Variants in RUNX1 observed in about 807,000 individuals in gnomAD.
RUNX1 encodes the protein RUNX family transcription factor 1, also known as runt-related transcription factor 1.
Under a neutral mutation model 42.8 loss-of-function variants are expected in RUNX1, and 19 were observed. The ratio of observed to expected loss-of-function variants is 0.44; its 90% CI spans 0.31 to 0.65. The LOEUF (loss-of-function observed/expected upper bound fraction) is 0.65, where lower values mean the gene tolerates loss of function less well. Ranked by LOEUF, RUNX1 falls within the 30% of genes least tolerant of loss-of-function variation. The probability of loss-of-function intolerance (pLI) is 0.07; values close to 1 mark genes in which losing one functional copy is unlikely to be tolerated. For missense variants in RUNX1, 528 were observed against 672.0 expected, an observed-to-expected ratio of 0.79 and a Z score of 2.37; for synonymous variants, 271 against 289.4, an observed-to-expected ratio of 0.94 and a Z score of 0.64.
intron 2 of RUNX1, among the ~76,000 whole-genome samples, chr21:34,926,054 A>G (rs2058390771): frequency 1.3e-5 from 2 of 152,304 alleles, no homozygotes; most frequent in South Asian, 4.1e-4. Context: ...AACAGAAGTT[A>G]TCTCTAAATG....
At chr21:34,924,712 A>G (rs563515266) in intron 2 of RUNX1, among the ~76,000 whole-genome samples, 16 of 152,206 alleles carry the variant, frequency 1.1e-4, no homozygotes, top group African/African-American at 3.9e-4. Flanking sequence ...TGAAATTTCC[A>G]TTTCTTCCCT....
chr21:34,977,007 T>C (rs1003058899), intron 2 of RUNX1, among the ~76,000 whole-genome samples: 35 of 152,318 alleles, frequency 2.3e-4, no homozygotes, highest in Admixed American at 5.2e-4. Flanking sequence ...CATTAAGTAA[T>C]AGCTGTGAAA....
intron 7 of RUNX1, chr21:34,821,750 T>G: frequency 1.3e-6 from 2 of 1,498,486 alleles, no homozygotes; most frequent in Non-Finnish European, 1.8e-6. Flanking sequence ...GACAATTCTT[T>G]ATAGAGCCGC....
At chr21:34,829,566 G>T (rs866105672) in intron 7 of RUNX1, among the ~76,000 whole-genome samples, 1 of 152,078 alleles carries the variant, frequency 6.6e-6, no homozygotes, top group Non-Finnish European at 1.5e-5. Flanking sequence ...ACTACACCTT[G>T]TTAAAAGCTA....
chr21:34,807,021 A>C (rs2145937026), intron 7 of RUNX1, among the ~76,000 whole-genome samples: 1 of 152,196 alleles, frequency 6.6e-6, no homozygotes, highest in South Asian at 2.1e-4. Context: ...AAAGATCCAG[A>C]ATCAGTCACT....
At chr21:34,849,001 A>AG (rs1407803631) in intron 6 of RUNX1, among the ~76,000 whole-genome samples, 7 of 151,836 alleles carry the variant, frequency 4.6e-5, no homozygotes, top group African/African-American at 1.7e-4. Flanking sequence ...TGGTGAACAA[A>AG]AACAAATACA....
intron 2 of RUNX1, among the ~76,000 whole-genome samples, chr21:34,930,989 G>C (rs2058440192): frequency 6.6e-6 from 1 of 152,086 alleles, no homozygotes; most frequent in African/African-American, 2.4e-5. Flanking sequence ...AGCAGACAGA[G>C]CTGGCTAGAA....
chr21:34,793,297 CATGTA>C (rs1051069364), intron 8 of RUNX1, among the ~76,000 whole-genome samples: 1 of 151,820 alleles, frequency 6.6e-6, no homozygotes. Context: ...TATAGAATAT[CATGTA>C]ATGTAATATG....
intron 2 of RUNX1, among the ~76,000 whole-genome samples, chr21:34,990,486 C>T (rs1208370901): frequency 1.3e-5 from 2 of 152,002 alleles, no homozygotes; most frequent in Admixed American, 1.3e-4. Context: ...GTGCAATAGG[C>T]CTAGTCATAA....
chr21:34,804,067 A>G (rs2056645907), intron 7 of RUNX1, among the ~76,000 whole-genome samples: 1 of 152,198 alleles, frequency 6.6e-6, no homozygotes, highest in South Asian at 2.1e-4. Flanking sequence ...GCAAACTGCA[A>G]CCCCAAATTT....
At chr21:34,812,212 C>T (rs2056767360) in intron 7 of RUNX1, among the ~76,000 whole-genome samples, 1 of 152,180 alleles carries the variant, frequency 6.6e-6, no homozygotes, top group Admixed American at 6.5e-5. Flanking sequence ...AGAAAACTCC[C>T]TCTTTCTTCT....
At chr21:34,870,452 G>A (rs2057720979) in intron 5 of RUNX1, among the ~76,000 whole-genome samples, 1 of 152,366 alleles carries the variant, frequency 6.6e-6, no homozygotes, top group Non-Finnish European at 1.5e-5. Context: ...TGACGCAATG[G>A]CTTCAGAGAT....
intron 6 of RUNX1, among the ~76,000 whole-genome samples, chr21:34,844,348 G>A (rs1273429397): frequency 2.0e-5 from 3 of 152,140 alleles, no homozygotes; most frequent in South Asian, 2.1e-4. Flanking sequence ...AGACCTGGGG[G>A]CCAGGAGAAG....
At chr21:34,793,876 G>A (rs1347888323) in intron 8 of RUNX1, among the ~76,000 whole-genome samples, 1 of 151,674 alleles carries the variant, frequency 6.6e-6, no homozygotes, top group African/African-American at 2.4e-5. Context: ...GCCAATTTTT[G>A]TATTTTTAGT....
At chr21:34,817,577 G>C (rs2056845112) in intron 7 of RUNX1, among the ~76,000 whole-genome samples, 1 of 152,116 alleles carries the variant, frequency 6.6e-6, no homozygotes, top group Non-Finnish European at 1.5e-5. Context: ...GAGCCTACCT[G>C]ATCACAAACA....
At chr21:34,862,124 G>A (rs187487642) in intron 5 of RUNX1, among the ~76,000 whole-genome samples, 1 of 152,046 alleles carries the variant, frequency 6.6e-6, no homozygotes, top group Non-Finnish European at 1.5e-5. Context: ...ATGAGAGAGA[G>A]AGAGAGAGAG....
At chr21:34,807,132 A>G (rs371157330) in intron 7 of RUNX1, among the ~76,000 whole-genome samples, 1 of 152,168 alleles carries the variant, frequency 6.6e-6, no homozygotes, top group East Asian at 1.9e-4. Flanking sequence ...AGTGAAATTA[A>G]GTACAGGAAA....
intron 3 of RUNX1, chr21:34,888,028 G>C: frequency 9.4e-7 from 1 of 1,066,206 alleles, no homozygotes. Context: ...TGGGGATGTT[G>C]GTTAAGTTTG....
intron 2 of RUNX1, among the ~76,000 whole-genome samples, chr21:34,910,380 A>G (rs1601560129): frequency 6.8e-6 from 1 of 147,972 alleles, no homozygotes; most frequent in Admixed American, 6.7e-5. Flanking sequence ...AATTTTCAGA[A>G]CTGTTTTTTT....
Sources: gnomAD v4.1 joint callset for allele counts (sites outside exome capture counted in the v4.1 genomes callset) on GRCh38, gnomAD v4.1.1 for gene constraint, MANE v1.5 for transcripts, NCBI Gene and HGNC (gene_info 2026-07-23, HGNC 2026-07-21) for gene names.